Variants in KDM3A observed in about 807,000 individuals in gnomAD.
KDM3A encodes lysine demethylase 3A.
A neutral mutation model predicts 158.0 loss-of-function variants in KDM3A; 60 were observed. That is an observed-to-expected ratio of 0.38 (90% confidence interval 0.31 to 0.47). KDM3A has a LOEUF of 0.47. Among genes scored for constraint, KDM3A ranks in the 20% least tolerant of loss-of-function variants. KDM3A has a pLI of 0.99. For missense variants in KDM3A, 1,319 were observed against 1,574.3 expected, an observed-to-expected ratio of 0.84 and a Z score of 2.74; for synonymous variants, 608 against 549.3, an observed-to-expected ratio of 1.11 and a Z score of -1.49.
chr2:86,456,711 A>G, intron 6 of KDM3A, 94 bp from the exon 7 acceptor site: 1 of 1,267,324 alleles, frequency 7.9e-7, no homozygotes, highest in Non-Finnish European at 1.1e-6. Flanking sequence ...AATTATTCAT[A>G]AGAAGCTCCT....
intron 2 of KDM3A, among the ~76,000 whole-genome samples, chr2:86,444,374 A>C (rs1573135592): frequency 6.6e-6 from 1 of 152,206 alleles, no homozygotes; most frequent in East Asian, 1.9e-4. Flanking sequence ...CTCAACCCTC[A>C]TGTAAGATGC....
intron 11 of KDM3A, 82 bp downstream of exon 11, chr2:86,470,490 A>G: frequency 6.0e-6 from 7 of 1,163,052 alleles, no homozygotes; most frequent in South Asian, 4.0e-5. Context: ...TTACTCTTTT[A>G]TCAACAGTAA....
At chr2:86,445,530 C>G (rs1271589871) in intron 2 of KDM3A, among the ~76,000 whole-genome samples, 1 of 152,014 alleles carries the variant, frequency 6.6e-6, no homozygotes, top group Admixed American at 6.6e-5. Flanking sequence ...TTAACTTGTC[C>G]TTTTTTCTTT....
intron 2 of KDM3A, among the ~76,000 whole-genome samples, chr2:86,445,845 T>C (rs1682937992): frequency 6.6e-6 from 1 of 152,190 alleles, no homozygotes; most frequent in African/African-American, 2.4e-5. Context: ...AAGACATAAG[T>C]GGAAGCACAA....
chr2:86,447,337 G>A (rs993448565), intron 2 of KDM3A, among the ~76,000 whole-genome samples: 9 of 150,880 alleles, frequency 6.0e-5, no homozygotes, highest in African/African-American at 2.2e-4. Context: ...ATGGAAAGGG[G>A]CCCTGTCTGT....
At chr2:86,474,703 G>T (rs1470171162) in intron 11 of KDM3A, 73 bp from the exon 12 acceptor site, 5 of 281,338 alleles carry the variant, frequency 1.8e-5, no homozygotes, top group African/African-American at 7.0e-5. Flanking sequence ...TAAATAAGTT[G>T]TGTGTGTGTG....
At chr2:86,480,542 C>T (rs995782624) in intron 16 of KDM3A, among the ~76,000 whole-genome samples, 180 bp downstream of exon 16, 1 of 152,144 alleles carries the variant, frequency 6.6e-6, no homozygotes, top group African/African-American at 2.4e-5. Flanking sequence ...AATTTTGCTG[C>T]ATTAAAATTT....
intron 8 of KDM3A, among the ~76,000 whole-genome samples, chr2:86,459,535 G>A (rs569341304): frequency 6.6e-6 from 1 of 152,140 alleles, no homozygotes; most frequent in Admixed American, 6.5e-5. Context: ...TAGGAATGAC[G>A]TATCCTGTTG....
Position 86,478,697 on chromosome 2 carries a change from C to G in KDM3A, c.2278C>G (p.Leu760Val). 1.2e-6 allele frequency: 2 copies of G among 1,614,046 alleles called. No homozygotes were observed. Among genetic ancestry groups the G allele is most frequent in the Non-Finnish European group, 1.7e-6 (2 of 1,179,916 alleles). Reference sequence around the variant, plus strand: ...CCCTTGTTCAAACAGGCAATTCAAACTCTTTTCAAAGCCAGCCTCAAAGGA... The same window carrying G: ...CCCTTGTTCAAACAGGCAATTCAAAGTCTTTTCAAAGCCAGCCTCAAAGGA... ...NCPCSNRQFK[L>V]FSKPASKEDL... Residue 760 changes from leucine to valine, a missense_variant, in exon 15 of 26, where the codon CTC becomes GTC. This residue lies in a region of KDM3A where 368 missense variants were observed against 415.8 expected (regional missense o/e 0.89). Transcript: ENST00000312912.
At chr2:86,488,126 TCA>T (rs1015791331) in intron 21 of KDM3A, 3 of 152,244 alleles carry the variant, frequency 2.0e-5, no homozygotes, top group African/African-American at 7.2e-5. Context: ...CTTTTGAACT[TCA>T]TATAAATAGA....
At chr2:86,480,710 T>G (rs899010723) in intron 16 of KDM3A, among the ~76,000 whole-genome samples, 1 of 152,304 alleles carries the variant, frequency 6.6e-6, no homozygotes. Flanking sequence ...GGAAAAACCT[T>G]TATATAGCTT....
chr2:86,482,209 AC>A (rs1480539734), intron 17 of KDM3A, 107 bp downstream of exon 17: 163 of 1,315,250 alleles, frequency 1.2e-4, no homozygotes, highest in Admixed American at 2.0e-4. Context: ...TCACATACTT[AC>A]CTTTGTGGGT....
In KDM3A at chr2:86,464,445, T is replaced by A. The variant is rs11127041; in HGVS notation, c.1007+229T>A. Among the ~76,000 whole-genome samples, 141,017 of 152,244 alleles carry A rather than the reference T, an allele frequency of 0.93. 65,494 individuals carry two copies. Among genetic ancestry groups the A allele is most frequent in the East Asian group, 1 (5,165 of 5,170 alleles). On this transcript the variant is annotated intron_variant, in intron 9 of 25. Coordinates refer to ENST00000312912, the MANE Select transcript of KDM3A (RefSeq NM_018433.6). ...GAAAAGAGACTGTCTTGATACAGTG[T>A]GAAGGAGCAATTGAAATAGTACCTT...
At position 86,491,099 on chromosome 2, in the gene KDM3A, A is replaced by G. The variant is rs760083294; in HGVS notation, c.3750+42A>G. On this transcript the variant is annotated intron_variant, in intron 24 of 25. Coordinates refer to ENST00000312912, the MANE Select transcript of KDM3A (RefSeq NM_018433.6). ...TTTCTTTAATCTCTTTATGTCATGA[A>G]CTTTTGGGTTTGTTACTGATATATT... 12 of 1,613,106 alleles carry G rather than the reference A, an allele frequency of 7.4e-6. No individual in the cohort carries two copies. In the South Asian group the frequency reaches 8.8e-5, roughly 12 times the overall value.
intron 21 of KDM3A, chr2:86,488,862 G>T (rs1674315782): frequency 6.3e-6 from 1 of 158,576 alleles, no homozygotes; most frequent in Non-Finnish European, 1.4e-5. Flanking sequence ...TTTTACAGTT[G>T]AGAGAACCAA....
chr2:86,471,473 T>C (rs185005700), intron 11 of KDM3A, among the ~76,000 whole-genome samples: 44 of 152,252 alleles, frequency 2.9e-4, no homozygotes, highest in African/African-American at 1.0e-3. Flanking sequence ...TTTGTTCATA[T>C]AGAAATGAAC....
upstream of KDM3A, chr2:86,440,514 T>G (rs532125404): frequency 6.6e-6 from 1 of 152,358 alleles, no homozygotes; most frequent in Admixed American, 6.5e-5. Context: ...CTTCCATCAT[T>G]CATTATGGCC....
intron 2 of KDM3A, chr2:86,442,635 G>A (rs1682781712): frequency 6.3e-6 from 1 of 158,416 alleles, no homozygotes; most frequent in Non-Finnish European, 1.4e-5. Context: ...TTGTTTGTTT[G>A]TTCCTGTTAA....
At chr2:86,475,527 T>TA (rs1336001522) in intron 12 of KDM3A, among the ~76,000 whole-genome samples, 1 of 152,202 alleles carries the variant, frequency 6.6e-6, no homozygotes, top group Admixed American at 6.5e-5. Flanking sequence ...GGAGCACTGT[T>TA]ACACTGATCT....
Sources: gnomAD v4.1 joint callset for allele counts (sites outside exome capture counted in the v4.1 genomes callset) on GRCh38, gnomAD v4.1.1 for gene constraint, gnomAD v4.1.1 regional missense constraint, MANE v1.5 for transcripts, NCBI Gene and HGNC (gene_info 2026-07-23, HGNC 2026-07-21) for gene names.